Variants in ACCSL observed in about 807,000 individuals in gnomAD.
ACCSL encodes the protein probable inactive 1-aminocyclopropane-1-carboxylate synthase-like protein 2.
ACCSL carries 55 observed loss-of-function variants against 61.7 expected under a neutral mutation model. The observed-to-expected ratio is 0.89, with a 90% CI of 0.72 to 1.12. The LOEUF is 1.12. Ranked by LOEUF, ACCSL falls within the 50% of genes most tolerant of loss-of-function variation. The pLI, the probability that ACCSL is intolerant of heterozygous loss-of-function variation, is 0.00. For synonymous variants in ACCSL, 258 were observed against 264.3 expected (o/e 0.98, Z 0.23); for missense variants, 632 against 698.0 (o/e 0.91, Z 1.07).
At chr11:44,020,303 C>T in the ACCSL span, among the ~76,000 whole-genome samples, 26,415 of 151,810 alleles carry the variant, frequency 0.17, 2,394 homozygotes, top group East Asian at 0.29. Flanking sequence ...TTTTTTTCCA[C>T]AGCCTGGATG....
At chr11:44,053,853 C>A (rs1211706889) in intron 8 of ACCSL, among the ~76,000 whole-genome samples, 2 of 152,166 alleles carry the variant, frequency 1.3e-5, no homozygotes, top group African/African-American at 4.8e-5. Context: ...TAGAGTGAGA[C>A]TTTGTCTCAA....
chr11:43,952,928 C>G, the ACCSL span, among the ~76,000 whole-genome samples: 6 of 152,222 alleles, frequency 3.9e-5, no homozygotes, highest in Non-Finnish European at 8.8e-5. Flanking sequence ...ACTGAGGAAC[C>G]TCCTCTGCCA....
chr11:43,959,253 C>T, the ACCSL span, among the ~76,000 whole-genome samples: 25 of 152,270 alleles, frequency 1.6e-4, no homozygotes, highest in East Asian at 4.5e-3. Flanking sequence ...GAGCATGTTG[C>T]TCCCATGTGC....
At chr11:43,976,855 A>C in the ACCSL span, among the ~76,000 whole-genome samples, 1 of 152,248 alleles carries the variant, frequency 6.6e-6, no homozygotes, top group Admixed American at 6.5e-5. Flanking sequence ...TCTGATGAAC[A>C]CATTATAGTG....
chr11:44,052,855 A>G, intron 6 of ACCSL, 96 bp downstream of exon 6: 1 of 1,467,798 alleles, frequency 6.8e-7, no homozygotes, highest in South Asian at 1.1e-5. Flanking sequence ...CTACCCATCT[A>G]AGTGGTTGGG....
rs369721305 is a variant in ACCSL, at chr11:44,048,318, G to A, written c.282G>A (p.Val94=). 1.1e-5 allele frequency: 18 copies of A among 1,613,922 alleles called. No individual in the cohort carries two copies. Among genetic ancestry groups the A allele is most frequent in the Non-Finnish European group, 1.3e-5 (15 of 1,179,978 alleles). The change falls in exon 1 of 14, where the codon GTG becomes GTA. Residue 94 remains valine (V), a synonymous_variant. Coordinates refer to ENST00000378832, the MANE Select transcript of ACCSL (RefSeq NM_001031854.2). The part of the protein sequence containing the change: ...SGAASGLELQ[V]PLPSEDSRGD... The stretch of plus-strand genomic sequence containing the variant: ...CCGCGAGTGGCCTGGAGCTCCAAGT[G>A]CCTCTTCCTTCTGAGGACTCTAGGG...
At chr11:44,035,957 A>G in the ACCSL span, among the ~76,000 whole-genome samples, 276 of 151,456 alleles carry the variant, frequency 1.8e-3, no homozygotes, top group Non-Finnish European at 3.0e-3. Context: ...AAAAAAAAAA[A>G]AAAGAAAGAA....
chr11:43,936,374 TGAG>T, the ACCSL span, among the ~76,000 whole-genome samples: 6 of 152,324 alleles, frequency 3.9e-5, no homozygotes, highest in African/African-American at 1.4e-4. Flanking sequence ...TGGGTAGGTT[TGAG>T]GAGGAGATCA....
the ACCSL span, among the ~76,000 whole-genome samples, chr11:43,994,368 C>T: frequency 6.6e-6 from 1 of 152,220 alleles, no homozygotes; most frequent in Admixed American, 6.5e-5. Flanking sequence ...CATGGAAATT[C>T]TGCAAATGGA....
rs1306131936 is a variant in ACCSL at position 44,051,673 on chromosome 11, C to G, written c.726C>G (p.Cys242Trp). The G allele has an allele frequency of 6.2e-7, 1 of 1,614,188 alleles. No individual in the cohort carries two copies. The highest frequency in any genetic ancestry group is 1.7e-5 in the Admixed American group (1 of 60,030). ...TTCAGGTGGTGGTTCTAAATGGCTG[C>G]TGCTCTGTCTTCTGTGCCCTGGCCA... ...DPENVVVLNG[C>W]CSVFCALAMV... Residue 242 changes from cysteine to tryptophan, a missense_variant, in exon 5 of 14, where the codon TGC (cysteine) becomes TGG (tryptophan). Cys to Trp is a radical substitution (Grantham distance 215, BLOSUM62 -2). Coordinates refer to ENST00000378832, the MANE Select transcript of ACCSL (RefSeq NM_001031854.2).
At chr11:43,994,685 T>A in the ACCSL span, among the ~76,000 whole-genome samples, 2 of 152,104 alleles carry the variant, frequency 1.3e-5, no homozygotes, top group African/African-American at 4.8e-5. Context: ...CAGGCTGAAG[T>A]GCAGTGGCAT....
the ACCSL span, among the ~76,000 whole-genome samples, chr11:43,994,139 C>A: frequency 6.6e-6 from 1 of 152,218 alleles, no homozygotes; most frequent in Non-Finnish European, 1.5e-5. Context: ...GAATATAATT[C>A]TGTTTTACAT....
At chr11:43,976,456 A>G in the ACCSL span, among the ~76,000 whole-genome samples, 1 of 152,246 alleles carries the variant, frequency 6.6e-6, no homozygotes, top group African/African-American at 2.4e-5. Context: ...AGAGTTAACA[A>G]AACTTCAAAG....
chr11:44,014,167 A>G, the ACCSL span, among the ~76,000 whole-genome samples: 1 of 152,200 alleles, frequency 6.6e-6, no homozygotes, highest in Non-Finnish European at 1.5e-5. Context: ...CTTACATCTT[A>G]AGACCACAAA....
chr11:43,962,182 C>T, the ACCSL span, among the ~76,000 whole-genome samples: 15 of 152,174 alleles, frequency 9.9e-5, no homozygotes, highest in African/African-American at 2.9e-4. Context: ...AAGAGTGAGG[C>T]GCTGCCATAA....
At chr11:43,995,912 C>T in the ACCSL span, among the ~76,000 whole-genome samples, 2 of 152,158 alleles carry the variant, frequency 1.3e-5, no homozygotes, top group South Asian at 2.1e-4. Flanking sequence ...AATGCCACCT[C>T]GATTTGAAAA....
the ACCSL span, among the ~76,000 whole-genome samples, chr11:44,006,136 G>A: frequency 6.6e-6 from 1 of 152,214 alleles, no homozygotes; most frequent in Non-Finnish European, 1.5e-5. Flanking sequence ...AACTGGGCCA[G>A]TCCCAGGAGG....
At chr11:43,934,799 T>TGCATCCC in the ACCSL span, among the ~76,000 whole-genome samples, 1 of 152,062 alleles carries the variant, frequency 6.6e-6, no homozygotes, top group East Asian at 1.9e-4. Flanking sequence ...ATGTGCATCC[T>TGCATCCC]GGGACACACT....
chr11:43,985,576 G>T, the ACCSL span, among the ~76,000 whole-genome samples: 1 of 152,218 alleles, frequency 6.6e-6, no homozygotes, highest in Non-Finnish European at 1.5e-5. Flanking sequence ...GACAGCACTG[G>T]GCTAAATGCT....
Sources: allele counts gnomAD v4.1 joint callset (sites outside exome capture counted in the v4.1 genomes callset), GRCh38; gene constraint gnomAD v4.1.1; transcripts MANE v1.5; gene names NCBI Gene and HGNC (gene_info 2026-07-23, HGNC 2026-07-21).